Variants in CCDC171 observed in about 807,000 individuals in gnomAD.
CCDC171 encodes the protein coiled-coil domain containing 171.
CCDC171 carries 177 observed loss-of-function variants against 168.2 expected under a neutral mutation model. The ratio of observed to expected loss-of-function variants is 1.05; its 90% confidence interval spans 0.93 to 1.19. The LOEUF (loss-of-function observed/expected upper bound fraction) is 1.19. CCDC171 is among the 50% of genes most tolerant of loss of function. The pLI, the probability that CCDC171 is intolerant of heterozygous loss-of-function variation, is 0.00. For missense variants in CCDC171, 1,991 were observed against 1,539.0 expected (o/e 1.29, Z -4.91); for synonymous variants, 687 against 540.8 (o/e 1.27, Z -3.75).
chr9:15,594,668 A>G (rs1158156607), intron 6 of CCDC171, among the ~76,000 whole-genome samples: 1 of 152,154 alleles, frequency 6.6e-6, no homozygotes, highest in African/African-American at 2.4e-5. Flanking sequence ...TCCCCTTTAT[A>G]CATGAGCAGA....
At chr9:15,866,929 T>C (rs2061813754) in intron 23 of CCDC171, among the ~76,000 whole-genome samples, 1 of 152,030 alleles carries the variant, frequency 6.6e-6, no homozygotes, top group Non-Finnish European at 1.5e-5. Context: ...GCATATAGTC[T>C]CTAAATATAA....
At chr9:16,071,939 C>G in the CCDC171 span, among the ~76,000 whole-genome samples, 1 of 152,134 alleles carries the variant, frequency 6.6e-6, no homozygotes, top group East Asian at 1.9e-4. Context: ...CACAGCTCAC[C>G]TGAACAAACC....
chr9:15,593,761 C>A (rs548359068), intron 5 of CCDC171, among the ~76,000 whole-genome samples: 1 of 151,778 alleles, frequency 6.6e-6, no homozygotes, highest in African/African-American at 2.4e-5. Flanking sequence ...ATATAATAAA[C>A]AGGTATATAC....
chr9:16,060,861 A>G (rs1833922973), exon 2 of CCDC171: 1 of 152,224 alleles, frequency 6.6e-6, no homozygotes, highest in African/African-American at 2.4e-5. Flanking sequence ...CAAAATGAGG[A>G]TGTGTTTTTT....
intron 25 of CCDC171, among the ~76,000 whole-genome samples, chr9:15,945,211 A>G (rs1422048307): frequency 2.7e-5 from 4 of 150,306 alleles, no homozygotes; most frequent in Middle Eastern, 3.2e-3. Flanking sequence ...ACATGAACTC[A>G]TCATTTTTTA....
chr9:15,904,264 G>A lies in CCDC171; in HGVS notation c.3601-16006G>A, dbSNP rs531639532. On this transcript the variant is annotated intron_variant, in intron 24 of 25. Coordinates refer to ENST00000380701, the MANE Select transcript of CCDC171 (RefSeq NM_173550.4). Reference sequence around the variant, plus strand: ...TTGAAATGAAGGAAAAAATGTTAAGGGCAGCCAGAGAGAAAGGTCGGGTTG... The same window carrying A: ...TTGAAATGAAGGAAAAAATGTTAAGAGCAGCCAGAGAGAAAGGTCGGGTTG... 9.2e-4 allele frequency among the ~76,000 whole-genome samples: 140 copies of A among 152,194 alleles called. 2 individuals carry two copies. In the South Asian group the frequency reaches 0.027, roughly 30 times the overall value.
chr9:15,744,656 A>G lies in CCDC171; in HGVS notation c.2433A>G (p.Ala811=). 1.2e-6 allele frequency: 2 copies of G among 1,614,210 alleles called. No homozygotes were observed. The highest frequency in any genetic ancestry group is 1.7e-6 in the Non-Finnish European group (2 of 1,180,026). The change falls in exon 17 of 26, where the codon GCA becomes GCG. Residue 811 remains alanine (A), a synonymous_variant. Coordinates refer to ENST00000380701, the MANE Select transcript of CCDC171 (RefSeq NM_173550.4). ...FRKGVIAVLA[A]NRLKILGQSC... is the part of the protein sequence containing the mutation. ...AAGGTGTTATTGCTGTTTTGGCAGCAAACAGACTCAAGATTTTGGGCCAAT... is the reference window on the plus strand; with the variant it reads ...AAGGTGTTATTGCTGTTTTGGCAGCGAACAGACTCAAGATTTTGGGCCAAT...
At chr9:15,775,939 A>G (rs1420988053) in intron 18 of CCDC171, among the ~76,000 whole-genome samples, 1 of 152,216 alleles carries the variant, frequency 6.6e-6, no homozygotes, top group African/African-American at 2.4e-5. Flanking sequence ...ATTGCAAGGT[A>G]GTTGGAGAAA....
chr9:15,830,853 G>C (rs1230568020), intron 21 of CCDC171, among the ~76,000 whole-genome samples: 1 of 151,870 alleles, frequency 6.6e-6, no homozygotes, highest in Middle Eastern at 3.2e-3. Flanking sequence ...TGAACATAGA[G>C]ACCCTGTTGA....
chr9:15,922,974 G>A (rs191317825), intron 25 of CCDC171, among the ~76,000 whole-genome samples: 297 of 151,672 alleles, frequency 2.0e-3, no homozygotes, highest in Admixed American at 3.6e-3. Flanking sequence ...CCTGTCACAT[G>A]TATAGCTTGC....
chr9:15,944,796 G>A (rs1828114528), intron 25 of CCDC171, among the ~76,000 whole-genome samples: 1 of 150,938 alleles, frequency 6.6e-6, no homozygotes. Flanking sequence ...TTTATTCTAG[G>A]CAGAGCATGG....
At chr9:15,623,596 A>C (rs1428836298) in intron 7 of CCDC171, among the ~76,000 whole-genome samples, 183 bp downstream of exon 7, 1 of 151,724 alleles carries the variant, frequency 6.6e-6, no homozygotes. Context: ...TATAATGTAT[A>C]TTTGGCTTCT....
At chr9:15,829,008 C>CA (rs1366516401) in intron 21 of CCDC171, among the ~76,000 whole-genome samples, 1 of 152,178 alleles carries the variant, frequency 6.6e-6, no homozygotes, top group Non-Finnish European at 1.5e-5. Flanking sequence ...CCAGATTTCA[C>CA]ACGGCAAAGA....
intron 8 of CCDC171, 99 bp downstream of exon 8, chr9:15,657,318 A>C (rs1009037662): frequency 3.0e-6 from 2 of 660,414 alleles, no homozygotes; most frequent in African/African-American, 3.6e-5. Flanking sequence ...GTGTGCATTG[A>C]GAATGGGTAA....
chr9:15,750,592 G>C (rs1325516852), intron 18 of CCDC171, among the ~76,000 whole-genome samples: 1 of 152,104 alleles, frequency 6.6e-6, no homozygotes, highest in Non-Finnish European at 1.5e-5. Flanking sequence ...ACCGAATCCA[G>C]CAGCACATCA....
intron 3 of CCDC171, among the ~76,000 whole-genome samples, chr9:16,017,423 A>G (rs913901388): frequency 5.9e-5 from 9 of 152,092 alleles, no homozygotes; most frequent in Non-Finnish European, 1.2e-4. Flanking sequence ...TTGTAGTTTT[A>G]GCTTGTTTCC....
intron 7 of CCDC171, among the ~76,000 whole-genome samples, chr9:15,628,195 A>G (rs1476838124): frequency 2.0e-5 from 3 of 152,146 alleles, no homozygotes; most frequent in Non-Finnish European, 4.4e-5. Context: ...TGGGTGCAGC[A>G]CACCGTGCAC....
At chr9:16,025,893 C>T (rs890057520) in intron 6 of CCDC171, among the ~76,000 whole-genome samples, 1 of 152,144 alleles carries the variant, frequency 6.6e-6, no homozygotes, top group Admixed American at 6.6e-5. Flanking sequence ...CATGAATGCA[C>T]TAAAAGCCAC....
rs554612999 is a variant in CCDC171, at chr9:15,921,563, T to C, written c.3753+1141T>C. On this transcript the variant is annotated intron_variant, in intron 25 of 25. Coordinates refer to ENST00000380701, the MANE Select transcript of CCDC171 (RefSeq NM_173550.4). ...GTTTGCTTCATTGCTGTTAAGACTT[T>C]CCAGTTCTAAGAGCAGTCTGGCTTA... Among the ~76,000 whole-genome samples, 8 of 151,846 alleles carry C rather than the reference T, an allele frequency of 5.3e-5. No homozygotes were observed. The South Asian group carries it at 1.2e-3, about 24-fold the overall frequency.
Sources: allele counts gnomAD v4.1 joint callset (sites outside exome capture counted in the v4.1 genomes callset), GRCh38; gene constraint gnomAD v4.1.1; transcripts MANE v1.5; gene names NCBI Gene and HGNC (gene_info 2026-07-23, HGNC 2026-07-21).